SPATS2L: variants seen among roughly 807,000 people sequenced by gnomAD.
SPATS2L encodes spermatogenesis associated serine rich 2 like, also known as SPATS2-like protein.
Under a neutral mutation model 59.6 loss-of-function variants are expected in SPATS2L, and 30 were observed. The ratio of observed to expected loss-of-function variants is 0.50; its 90% CI spans 0.38 to 0.68. SPATS2L has a LOEUF of 0.68. Among genes scored for constraint, SPATS2L ranks in the 30% least tolerant of loss-of-function variants. The probability of loss-of-function intolerance (pLI) is 0.00; values close to 1 mark genes in which losing one functional copy is unlikely to be tolerated. For synonymous variants in SPATS2L, 252 were observed against 263.5 expected, an observed-to-expected ratio of 0.96 and a Z score of 0.42; for missense variants, 615 against 700.0, an observed-to-expected ratio of 0.88 and a Z score of 1.37.
intron 2 of SPATS2L, among the ~76,000 whole-genome samples, chr2:200,349,065 C>A (rs2080622164): frequency 6.6e-6 from 1 of 152,050 alleles, no homozygotes; most frequent in Admixed American, 6.6e-5. Flanking sequence ...TTAAAACAGC[C>A]CTTTTTTAAA....
At chr2:200,353,687 T>A (rs2080814530) in intron 2 of SPATS2L, among the ~76,000 whole-genome samples, 2 of 152,132 alleles carry the variant, frequency 1.3e-5, no homozygotes, top group South Asian at 4.2e-4. Flanking sequence ...AAAAAAAAAA[T>A]TCTGAAGGTA....
At chr2:200,422,711 T>A (rs2083364400) in intron 6 of SPATS2L, among the ~76,000 whole-genome samples, 1 of 152,200 alleles carries the variant, frequency 6.6e-6, no homozygotes, top group Non-Finnish European at 1.5e-5. Flanking sequence ...CCCTTTTCCT[T>A]GGAAGATAGG....
intron 8 of SPATS2L, among the ~76,000 whole-genome samples, chr2:200,454,655 G>A (rs1165347949): frequency 2.0e-5 from 3 of 151,992 alleles, no homozygotes; most frequent in Non-Finnish European, 4.4e-5. Flanking sequence ...CTTTTTTATG[G>A]CAACAAAATA....
Position 200,327,597 on chromosome 2 carries a change from T to C in SPATS2L, c.-72-1834T>C, listed in dbSNP as rs139196029. 3.6e-3 allele frequency among the ~76,000 whole-genome samples: 545 copies of C among 152,354 alleles called. 5 individuals carry two copies. The highest frequency in any genetic ancestry group is 0.013 in the African/African-American group (526 of 41,590). On this transcript the variant is annotated intron_variant, in intron 1 of 12. Coordinates refer to ENST00000409140, the MANE Select transcript of SPATS2L (RefSeq NM_001100423.2). The stretch of plus-strand genomic sequence containing the variant: ...GTTTAATATCTCATTTGACAACTCA[T>C]GTTATTTATTGCTTTGTCAACACAA...
intron 10 of SPATS2L, chr2:200,469,698 C>T (rs2086880607): frequency 2.0e-6 from 1 of 499,614 alleles, no homozygotes; most frequent in African/African-American, 1.9e-5. Context: ...AAGAGAAACA[C>T]AGGCCCCTCA....
intron 3 of SPATS2L, among the ~76,000 whole-genome samples, chr2:200,404,987 A>G (rs2082647426): frequency 6.6e-6 from 1 of 152,114 alleles, no homozygotes; most frequent in African/African-American, 2.4e-5. Context: ...ATCCGGGATG[A>G]TCTCCCCATT....
rs187833185 is a variant in SPATS2L, at chr2:200,480,214, C to T, written c.*2183C>T. ...ACCACTCTTGACCTCGACTCACTCC[C>T]TTAGGGTTAAGAAAGCCCAAACACA... On this transcript the variant is annotated 3_prime_UTR_variant, in exon 13 of 13. Transcript: ENST00000409140. The T allele has an allele frequency of 6.5e-6, 1 of 153,758 alleles. No homozygotes were observed. The highest frequency in any genetic ancestry group is 1.4e-5 in the Non-Finnish European group (1 of 69,094). The allele number at this position is 153,758 out of a possible 1,614,324, so 9.5% of individuals were successfully genotyped here.
intron 6 of SPATS2L, among the ~76,000 whole-genome samples, chr2:200,436,287 A>G (rs2084287518): frequency 1.3e-5 from 2 of 152,200 alleles, no homozygotes; most frequent in African/African-American, 4.8e-5. Flanking sequence ...GAGTTTTACT[A>G]TATTTGAAGA....
At chr2:200,345,272 T>G (rs1470589094) in intron 2 of SPATS2L, among the ~76,000 whole-genome samples, 1 of 152,226 alleles carries the variant, frequency 6.6e-6, no homozygotes, top group African/African-American at 2.4e-5. Context: ...TGGTCCAGTT[T>G]CGATCTTCTG....
intron 2 of SPATS2L, among the ~76,000 whole-genome samples, chr2:200,353,818 A>C (rs759346110): frequency 3.3e-5 from 5 of 152,212 alleles, no homozygotes; most frequent in Non-Finnish European, 5.9e-5. Context: ...TATTGTAGGA[A>C]ACTACAGCTT....
At chr2:200,460,827 GT>G (rs2106191501) in intron 9 of SPATS2L, 1 of 150,892 alleles carries the variant, frequency 6.6e-6, no homozygotes, top group South Asian at 2.1e-4. Flanking sequence ...TTTTGTTTTT[GT>G]TTTTTACAGA....
rs1359788128 is a variant in SPATS2L, at chr2:200,419,320, G to T, written c.269G>T (p.Arg90Met). ...AAAGATGCTAAAGACAAGGTGGAGA[G>T]GCCTGAGGCAGGGCCCCTGCAGCCG... ...GNKDAKDKVE[R>M]PEAGPLQPQP... is the part of the protein sequence containing the mutation. The change falls in exon 6 of 13, where the codon AGG becomes ATG. Residue 90 changes from arginine (R) to methionine (M), a missense_variant. This residue lies in a region of SPATS2L where 227 missense variants were observed against 257.4 expected (regional missense o/e 0.88). Coordinates refer to ENST00000409140, the MANE Select transcript of SPATS2L (RefSeq NM_001100423.2). 6.2e-7 allele frequency: 1 copy of T among 1,607,904 alleles called. No individual in the cohort carries two copies. The highest frequency in any genetic ancestry group is 2.2e-5 in the East Asian group (1 of 44,578).
At chr2:200,471,245 A>G (rs941033117) in intron 11 of SPATS2L, among the ~76,000 whole-genome samples, 1 of 152,094 alleles carries the variant, frequency 6.6e-6, no homozygotes, top group Non-Finnish European at 1.5e-5. Context: ...TGATTTTCTG[A>G]CTGCATTTTT....
At chr2:200,409,364 C>CTT (rs144603014) in intron 3 of SPATS2L, among the ~76,000 whole-genome samples, 2 of 148,068 alleles carry the variant, frequency 1.4e-5, no homozygotes, top group African/African-American at 4.9e-5. Context: ...ATAATGAGGG[C>CTT]TTTTTTTTTT....
intron 1 of SPATS2L, among the ~76,000 whole-genome samples, chr2:200,318,675 A>T (rs1248993269): frequency 6.6e-6 from 1 of 152,162 alleles, no homozygotes; most frequent in Non-Finnish European, 1.5e-5. Context: ...TCATTTATTA[A>T]GGTGAGGCAT....
intron 3 of SPATS2L, among the ~76,000 whole-genome samples, chr2:200,398,378 G>A (rs1350676573): frequency 6.6e-6 from 1 of 152,176 alleles, no homozygotes; most frequent in Non-Finnish European, 1.5e-5. Context: ...TAAATTAAAA[G>A]TTTGGGAGCC....
intron 6 of SPATS2L, among the ~76,000 whole-genome samples, chr2:200,438,734 C>T (rs56813199): frequency 0.033 from 5,094 of 152,148 alleles, 186 homozygotes; most frequent in East Asian, 0.16. Context: ...TTTTTATAGC[C>T]TCAATATGAA....
intron 1 of SPATS2L, among the ~76,000 whole-genome samples, 187 bp downstream of exon 1, chr2:200,307,109 G>T (rs1009547403): frequency 2.6e-5 from 4 of 151,030 alleles, no homozygotes; most frequent in Non-Finnish European, 4.4e-5. Flanking sequence ...CGGGCTGGTG[G>T]CGCGGACCGG....
At chr2:200,346,656 A>G (rs2080522384) in intron 2 of SPATS2L, among the ~76,000 whole-genome samples, 1 of 151,924 alleles carries the variant, frequency 6.6e-6, no homozygotes. Context: ...GTGACTACTG[A>G]AAAAAATTCT....
Sources: gnomAD v4.1 joint callset for allele counts (sites outside exome capture counted in the v4.1 genomes callset) on GRCh38, gnomAD v4.1.1 for gene constraint, gnomAD v4.1.1 regional missense constraint, MANE v1.5 for transcripts, NCBI Gene and HGNC (gene_info 2026-07-23, HGNC 2026-07-21) for gene names.